KLF10: variants seen among roughly 807,000 people sequenced by gnomAD.
The protein encoded by KLF10 is Krueppel-like factor 10.
A neutral mutation model predicts 31.6 loss-of-function variants in KLF10; 17 were observed. The observed-to-expected ratio is 0.54, with a 90% CI of 0.37 to 0.81. The LOEUF (loss-of-function observed/expected upper bound fraction) is 0.81, where lower values mean the gene tolerates loss of function less well. Among genes scored for constraint, KLF10 ranks in the 30% least tolerant of loss-of-function variants. The pLI, the probability that KLF10 is intolerant of heterozygous loss-of-function variation, is 0.00. For missense variants in KLF10, 525 were observed against 598.1 expected (o/e 0.88, Z 1.27); for synonymous variants, 239 against 215.1 (o/e 1.11, Z -0.97).
At position 102,652,333 on chromosome 8, in the gene KLF10, G is replaced by C; in HGVS notation, c.101C>G (p.Ala34Gly). 6.2e-7 allele frequency: 1 copy of C among 1,612,188 alleles called. No individual in the cohort carries two copies. The highest frequency in any genetic ancestry group is 8.5e-7 in the Non-Finnish European group (1 of 1,178,786). Residue 34 changes from alanine (A) to glycine (G), a missense_variant, in exon 2 of 4, where the codon GCA becomes GGA. By Grantham distance (60) the Ala-to-Gly change is moderately conservative. Coordinates refer to ENST00000285407, the MANE Select transcript of KLF10 (RefSeq NM_005655.4). ...TACAGCTTCAAAATCACTTTTCTCT[G>C]CAGTTTTGTTCCAGGAATACATACT... ...KESMYSWNKT[A>G]EKSDFEAVEA... is the part of the protein sequence containing the mutation.
intron 3 of KLF10, among the ~76,000 whole-genome samples, chr8:102,650,891 T>G (rs933399188): frequency 6.6e-6 from 1 of 152,190 alleles, no homozygotes; most frequent in African/African-American, 2.4e-5. Flanking sequence ...TTTGTAGAGA[T>G]GAGGTCTCAG....
chr8:102,651,581 G>A lies in KLF10; in HGVS notation c.751C>T (p.Gln251Ter). 6.2e-7 allele frequency: 1 copy of A among 1,614,202 alleles called. No individual in the cohort carries two copies. The highest frequency in any genetic ancestry group is 8.5e-7 in the Non-Finnish European group (1 of 1,180,032). The change falls in exon 3 of 4, where the codon CAA becomes TAA. Residue 251 changes from glutamine to a stop codon, truncating the protein, a stop_gained. Coordinates refer to ENST00000285407, the MANE Select transcript of KLF10 (RefSeq NM_005655.4). LOFTEE classifies it high-confidence loss of function. Reference protein sequence around the residue: ...CRSQPAPVSPQQKSVLVSPPA... With the variant: ...CRSQPAPVSP ...GGAGAGACCAACACTGACTTCTGTT[G>A]TGGGGACACAGGGGCTGGCTGAGAC...
intron 1 of KLF10, among the ~76,000 whole-genome samples, chr8:102,652,736 T>C (rs1314549901): frequency 6.6e-6 from 1 of 152,198 alleles, no homozygotes; most frequent in Non-Finnish European, 1.5e-5. Flanking sequence ...TCAATGCATT[T>C]GTGATCCAAA....
intron 1 of KLF10, chr8:102,654,425 G>T (rs1368555746): frequency 6.6e-6 from 1 of 151,042 alleles, no homozygotes; most frequent in Non-Finnish European, 1.5e-5. Context: ...CCGGGGCTGG[G>T]TCACTCGGGG....
intron 1 of KLF10, chr8:102,653,938 G>C (rs1023241065): frequency 6.4e-5 from 63 of 987,852 alleles, no homozygotes; most frequent in East Asian, 1.1e-4. Flanking sequence ...GGCGGAGACC[G>C]ACGGATGGGG....
Position 102,650,255 on chromosome 8 carries a change from C to T in KLF10, c.1320G>A (p.Arg440=). The part of the protein sequence containing the change: ...ACPMCDRRFM[R]SDHLTKHARR... ...GGGCATGCTTGGTCAAATGGTCACT[C>T]CTCATGAACCGCCGGTCACACATGG... Residue 440 remains arginine, a synonymous_variant, in exon 4 of 4, where the codon AGG becomes AGA. Coordinates refer to ENST00000285407, the MANE Select transcript of KLF10 (RefSeq NM_005655.4). The T allele has an allele frequency of 6.2e-7, 1 of 1,614,236 alleles. No individual in the cohort carries two copies. The highest frequency in any genetic ancestry group is 1.1e-5 in the South Asian group (1 of 91,090).
chr8:102,655,024 G>C (rs553635835), intron 1 of KLF10, among the ~76,000 whole-genome samples: 2 of 151,712 alleles, frequency 1.3e-5, no homozygotes, highest in Non-Finnish European at 2.9e-5. Flanking sequence ...CGTCTTCCAA[G>C]CGTGGGTTCA....
intron 1 of KLF10, among the ~76,000 whole-genome samples, chr8:102,655,190 G>A (rs1239369796): frequency 6.6e-6 from 1 of 151,680 alleles, no homozygotes; most frequent in Non-Finnish European, 1.5e-5. Flanking sequence ...TCCCTCCCGC[G>A]ACTCTCGTTC....
chr8:102,650,098 C>G lies in KLF10; in HGVS notation c.*34G>C, dbSNP rs374468113. The G allele has an allele frequency of 3.7e-6, 6 of 1,609,030 alleles. No individual in the cohort carries two copies. The African/African-American group carries it at 6.7e-5, about 18-fold the overall frequency. ...CATCACCACTGGCTCCCGCTGAGAC[C>G]AAAGTTAGTTCTGACTCTTCACTTT... On this transcript the variant is annotated 3_prime_UTR_variant, in exon 4 of 4. Transcript: ENST00000285407.
intron 3 of KLF10, 87 bp downstream of exon 3, chr8:102,651,062 T>C: frequency 7.9e-7 from 1 of 1,270,048 alleles, no homozygotes; most frequent in Non-Finnish European, 1.1e-6. Flanking sequence ...TAAAGGCAAG[T>C]TATTCCTTAT....
At position 102,651,439 on chromosome 8, in the gene KLF10, G is replaced by A. The variant is rs1197110136; in HGVS notation, c.893C>T (p.Pro298Leu). Reference sequence around the variant, plus strand: ...CACAACAGGGGGGCAAACGGCTGGTGGCTGGCTGGGAGGAGTGCTGGGAAC... The same window carrying A: ...CACAACAGGGGGGCAAACGGCTGGTAGCTGGCTGGGAGGAGTGCTGGGAAC... ...TVVPSTPPSQ[P>L]PAVCPPVVFM... The change falls in exon 3 of 4, where the codon CCA (proline) becomes CTA (leucine). Residue 298 changes from proline to leucine, a missense_variant. Pro to Leu is a moderately conservative substitution (Grantham distance 98, BLOSUM62 -3). This residue lies in a region of KLF10 where 434 missense variants were observed against 450.7 expected (regional missense o/e 0.96). Coordinates refer to ENST00000285407, the MANE Select transcript of KLF10 (RefSeq NM_005655.4). The A allele has an allele frequency of 3.1e-6, 5 of 1,613,932 alleles. No individual in the cohort carries two copies. Among genetic ancestry groups the A allele is most frequent in the Middle Eastern group, 1.7e-4 (1 of 6,056 alleles).
At chr8:102,653,940 C>T in intron 1 of KLF10, 1 of 987,370 alleles carries the variant, frequency 1.0e-6, no homozygotes, top group Non-Finnish European at 1.2e-6. Flanking sequence ...CGGAGACCGA[C>T]GGATGGGGCC....
chr8:102,652,044 G>A lies in KLF10; in HGVS notation c.288C>T (p.Tyr96=), dbSNP rs762339676. 1 of 1,600,722 alleles carries A rather than the reference G, an allele frequency of 6.2e-7. No homozygotes were observed. Among genetic ancestry groups the A allele is most frequent in the South Asian group, 1.1e-5 (1 of 88,884 alleles). Residue 96 remains tyrosine, a synonymous_variant, in exon 3 of 4, where the codon TAC becomes TAT. Coordinates refer to ENST00000285407, the MANE Select transcript of KLF10 (RefSeq NM_005655.4). ...TIPAFCLTPP[Y]SPSDFEPSQV... ...GAGAGGGTTCAAAGTCAGAAGGACTGTAAGGTGGAGTCAAACACTAAAGAA... is the reference window on the plus strand; with the variant it reads ...GAGAGGGTTCAAAGTCAGAAGGACTATAAGGTGGAGTCAAACACTAAAGAA...
Position 102,652,081 on chromosome 8 carries a change from A to G in KLF10, c.271-20T>C, listed in dbSNP as rs994555687. 28 of 1,540,262 alleles carry G rather than the reference A, an allele frequency of 1.8e-5. No homozygotes were observed. The highest frequency in any genetic ancestry group is 2.4e-5 in the Non-Finnish European group (27 of 1,144,304). On this transcript the variant is annotated intron_variant, in intron 2 of 3. Coordinates refer to ENST00000285407, the MANE Select transcript of KLF10 (RefSeq NM_005655.4). ...CAAACACTAAAGAAAAGGGAAATACATAGCATGAGAAATCTACAGTTTATT... is the reference window on the plus strand; with the variant it reads ...CAAACACTAAAGAAAAGGGAAATACGTAGCATGAGAAATCTACAGTTTATT...
At chr8:102,651,118 A>T in intron 3 of KLF10, 31 bp downstream of exon 3, 1 of 1,478,786 alleles carries the variant, frequency 6.8e-7, no homozygotes. Flanking sequence ...CTCTTCATTT[A>T]AACACTAAAG....
chr8:102,653,155 T>A (rs933963528), intron 1 of KLF10, among the ~76,000 whole-genome samples: 4 of 152,232 alleles, frequency 2.6e-5, no homozygotes, highest in African/African-American at 9.6e-5. Flanking sequence ...TTTATTTTAA[T>A]TAACTTTCAA....
At position 102,651,507 on chromosome 8, in the gene KLF10, C is replaced by G. The variant is rs1418996817; in HGVS notation, c.825G>C (p.Gln275His). The change falls in exon 3 of 4, where the codon CAG (glutamine) becomes CAC (histidine). Residue 275 changes from glutamine to histidine, a missense_variant. Gln to His is a conservative substitution (Grantham distance 24). Coordinates refer to ENST00000285407, the MANE Select transcript of KLF10 (RefSeq NM_005655.4). Reference sequence around the variant, plus strand: ...GGTTGTTGGCAGGAAGGGGAACCATCTGGCAGATGACCGGCATAGGTGGCA... The same window carrying G: ...GGTTGTTGGCAGGAAGGGGAACCATGTGGCAGATGACCGGCATAGGTGGCA... ...GGVPPMPVIC[Q>H]MVPLPANNPV... 6.2e-7 allele frequency: 1 copy of G among 1,613,612 alleles called. No homozygotes were observed. The highest frequency in any genetic ancestry group is 8.5e-7 in the Non-Finnish European group (1 of 1,179,632).
chr8:102,653,690 A>G (rs1209164609), intron 1 of KLF10: 2 of 1,266,836 alleles, frequency 1.6e-6, no homozygotes, highest in East Asian at 6.6e-5. Flanking sequence ...GCCCGCCTTT[A>G]TGTAAGCTGC....
At chr8:102,654,643 C>T (rs947410344) in intron 1 of KLF10, among the ~76,000 whole-genome samples, 6 of 152,058 alleles carry the variant, frequency 3.9e-5, no homozygotes, top group Admixed American at 1.3e-4. Context: ...GACGCGGCGC[C>T]CCCTCCCCGT....
Sources: allele counts gnomAD v4.1 joint callset (sites outside exome capture counted in the v4.1 genomes callset), GRCh38; gene constraint gnomAD v4.1.1; regional missense constraint gnomAD v4.1.1; transcripts MANE v1.5; gene names NCBI Gene and HGNC (gene_info 2026-07-23, HGNC 2026-07-21).